AIFM3: variants seen among roughly 807,000 people sequenced by gnomAD.
AIFM3 encodes the protein apoptosis-inducing factor 3.
A neutral mutation model predicts 82.7 loss-of-function variants in AIFM3; 71 were observed. The observed-to-expected ratio is 0.86, with a 90% CI of 0.71 to 1.05. The LOEUF (loss-of-function observed/expected upper bound fraction) is 1.05, where lower values mean the gene tolerates loss of function less well. Ranked by LOEUF, AIFM3 falls within the 50% of genes least tolerant of loss-of-function variation. The probability of loss-of-function intolerance (pLI) is 0.00; values close to 1 mark genes in which losing one functional copy is unlikely to be tolerated. For missense variants in AIFM3, 748 were observed against 816.7 expected, an observed-to-expected ratio of 0.92 and a Z score of 1.03; for synonymous variants, 337 against 329.1, an observed-to-expected ratio of 1.02 and a Z score of -0.26.
At chr22:20,977,483 G>T (rs999863829) in intron 14 of AIFM3, 22 of 624,734 alleles carry the variant, frequency 3.5e-5, no homozygotes, top group Non-Finnish European at 5.7e-5. Context: ...GGGCCTCATG[G>T]AGCACTTCTT....
At chr22:20,978,570 C>T (rs1046401294) in intron 16 of AIFM3, among the ~76,000 whole-genome samples, 10 of 151,954 alleles carry the variant, frequency 6.6e-5, no homozygotes, top group Admixed American at 5.9e-4. Flanking sequence ...CATTAGTTGC[C>T]TCACTGCCTC....
At chr22:20,970,086 G>C (rs577445355) in intron 2 of AIFM3, among the ~76,000 whole-genome samples, 64 of 152,260 alleles carry the variant, frequency 4.2e-4, no homozygotes, top group African/African-American at 1.5e-3. Context: ...AGCTCTCTTA[G>C]CATCTGTTCA....
At chr22:20,973,269 G>A (rs955223700) in intron 2 of AIFM3, 38 bp from the exon 3 acceptor site, 27 of 1,549,244 alleles carry the variant, frequency 1.7e-5, no homozygotes, top group Non-Finnish European at 2.4e-5. Context: ...GAGGAAGTTG[G>A]CTGAGGTGGG....
chr22:20,967,120 A>G (rs1601697254), upstream of AIFM3: 3 of 152,274 alleles, frequency 2.0e-5, no homozygotes, highest in South Asian at 4.1e-4. Context: ...TTCCCTGGGG[A>G]CCAGTGGACT....
Position 20,974,786 on chromosome 22 carries a change from C to T in AIFM3, c.690C>T (p.His230=). ...TCGTCCTGTGCACGCTAGACCGGCACCTTCCCTACGACCGTCCCAAGCTCA... is the reference window on the plus strand; with the variant it reads ...TCGTCCTGTGCACGCTAGACCGGCATCTTCCCTACGACCGTCCCAAGCTCA... ...DRIVLCTLDR[H]LPYDRPKLSK... The change falls in exon 8 of 21, where the codon CAC becomes CAT. Residue 230 remains histidine, a synonymous_variant. Coordinates refer to ENST00000440238, the MANE Select transcript of AIFM3 (RefSeq NM_001386814.1). 1.2e-6 allele frequency: 2 copies of T among 1,613,066 alleles called. No homozygotes were observed. The highest frequency in any genetic ancestry group is 2.2e-5 in the South Asian group (2 of 91,042).
chr22:20,967,597 A>G (rs571628646), intron 1 of AIFM3: 1 of 355,716 alleles, frequency 2.8e-6, no homozygotes, highest in South Asian at 5.2e-5. Context: ...CGGGCAGAGG[A>G]ACTCCACTGG....
chr22:20,976,664 C>T lies in AIFM3; in HGVS notation c.1044C>T (p.Ala348=), dbSNP rs748191991. Residue 348 remains alanine, a synonymous_variant, in exon 12 of 21, where the codon GCC becomes GCT. Transcript: ENST00000440238. ...GCCCATCACCAGGGATGGAGGTGGC[C>T]GCTTACCTGACGGAGAAGGCCCACT... ...VGAGFLGMEV[A]AYLTEKAHSV... The T allele has an allele frequency of 1.7e-5, 28 of 1,609,526 alleles. No individual in the cohort carries two copies. The highest frequency in any genetic ancestry group is 4.5e-5 in the East Asian group (2 of 44,594).
intron 3 of AIFM3, 37 bp from the exon 4 acceptor site, chr22:20,973,721 G>T (rs1923426167): frequency 1.3e-6 from 2 of 1,499,744 alleles, no homozygotes; most frequent in African/African-American, 1.4e-5. Context: ...GTTGTGCCTG[G>T]TGTCTGGCCT....
chr22:20,972,184 C>T (rs1398158331), intron 2 of AIFM3, among the ~76,000 whole-genome samples: 1 of 152,222 alleles, frequency 6.6e-6, no homozygotes, highest in East Asian at 1.9e-4. Context: ...GCGGGTGGAT[C>T]ACCTGAGGTC....
chr22:20,965,802 T>G (rs1011878105), upstream of AIFM3, among the ~76,000 whole-genome samples: 6 of 151,820 alleles, frequency 4.0e-5, no homozygotes, highest in Non-Finnish European at 7.4e-5. Flanking sequence ...GAGGGTCAGG[T>G]GGAGCAGGGG....
intron 16 of AIFM3, 134 bp downstream of exon 16, chr22:20,978,139 G>A: frequency 2.3e-6 from 2 of 853,508 alleles, no homozygotes; most frequent in Non-Finnish European, 3.7e-6. Flanking sequence ...TGGATTCTCT[G>A]GCCAGCCTCA....
chr22:20,973,394 A>T lies in AIFM3; in HGVS notation c.119A>T (p.Tyr40Phe). 1 of 1,611,636 alleles carries T rather than the reference A, an allele frequency of 6.2e-7. No homozygotes were observed. The highest frequency in any genetic ancestry group is 8.5e-7 in the Non-Finnish European group (1 of 1,179,640). Residue 40 changes from tyrosine to phenylalanine, a missense_variant, in exon 3 of 21, where the codon TAC becomes TTC. Coordinates refer to ENST00000440238, the MANE Select transcript of AIFM3 (RefSeq NM_001386814.1). ...AGTGGGAAGGGCAGCCCCCGGGCCT[A>T]CCAGGGCAATGGCACGGCCCGCCAC... Reference protein sequence around the residue: ...SASGKGSPRAYQGNGTARHFH... With the variant: ...SASGKGSPRAFQGNGTARHFH...
At chr22:20,970,596 G>C (rs117744886) in intron 2 of AIFM3, among the ~76,000 whole-genome samples, 3,006 of 152,332 alleles carry the variant, frequency 0.02, 51 homozygotes, top group Middle Eastern at 0.044. Flanking sequence ...AAGTAGCTGG[G>C]ATTATAAGCG....
chr22:20,979,366 G>A lies in AIFM3; in HGVS notation c.1573G>A (p.Ala525Thr), dbSNP rs993896789. ...TAMFGKSLRY[A>T]GYGEGFDDVI... ...CATGTTTGGCAAGAGCCTGCGCTACGCGGGTAACCCCGGGGCCTCGGATGG... is the reference window on the plus strand; with the variant it reads ...CATGTTTGGCAAGAGCCTGCGCTACACGGGTAACCCCGGGGCCTCGGATGG... Residue 525 changes from alanine (A) to threonine (T), a missense_variant, in exon 17 of 21, where the codon GCG (alanine) becomes ACG (threonine). Ala to Thr is a moderately conservative substitution (Grantham distance 58, BLOSUM62 0). Coordinates refer to ENST00000440238, the MANE Select transcript of AIFM3 (RefSeq NM_001386814.1). 1 of 1,553,076 alleles carries A rather than the reference G, an allele frequency of 6.4e-7. No individual in the cohort carries two copies. Among genetic ancestry groups the A allele is most frequent in the Non-Finnish European group, 8.7e-7 (1 of 1,148,318 alleles).
intron 14 of AIFM3, 32 bp from the exon 15 acceptor site, chr22:20,977,668 A>G (rs757185864): frequency 4.3e-6 from 7 of 1,613,340 alleles, no homozygotes; most frequent in Non-Finnish European, 5.9e-6. Flanking sequence ...AGGCAGGGAC[A>G]GGGGAGTGGA....
intron 13 of AIFM3, 43 bp downstream of exon 13, chr22:20,976,981 C>T: frequency 6.2e-7 from 1 of 1,614,160 alleles, no homozygotes; most frequent in Non-Finnish European, 8.5e-7. Context: ...TGTCCTCTGT[C>T]CCCTGAGCCT....
chr22:20,979,799 C>T lies in AIFM3; in HGVS notation c.1652+97C>T. Reference sequence around the variant, plus strand: ...AAAATCCCAGAACAAGAGCCCAGCCCTGAGCCCCGCTGAGGAGTGCTGGAG... The same window carrying T: ...AAAATCCCAGAACAAGAGCCCAGCCTTGAGCCCCGCTGAGGAGTGCTGGAG... On this transcript the variant is annotated intron_variant, in intron 18 of 20. Coordinates refer to ENST00000440238, the MANE Select transcript of AIFM3 (RefSeq NM_001386814.1). 2.1e-6 allele frequency: 3 copies of T among 1,454,668 alleles called. No individual in the cohort carries two copies. In the Admixed American group the frequency reaches 5.2e-5, roughly 25 times the overall value. 90.1% of individuals were successfully genotyped at this position (1,454,668 alleles called of 1,614,324 possible).
At chr22:20,965,953 C>T (rs1394042423), upstream of AIFM3, among the ~76,000 whole-genome samples, 1 of 152,182 alleles carries the variant, frequency 6.6e-6, no homozygotes, top group African/African-American at 2.4e-5. Flanking sequence ...CAAGGAATAG[C>T]ACTCGGGCGC....
Position 20,981,148 on chromosome 22 carries a change from C to A in AIFM3, c.*117C>A. 7.0e-7 allele frequency: 1 copy of A among 1,430,936 alleles called. No individual in the cohort carries two copies. Among genetic ancestry groups the A allele is most frequent in the Non-Finnish European group, 9.6e-7 (1 of 1,044,258 alleles). The allele number at this position is 1,430,936 out of a possible 1,614,324, so 88.6% of individuals were successfully genotyped here. A position where few individuals can be genotyped will look rare whatever the true frequency, so the allele number is the denominator to read the frequency against. On this transcript the variant is annotated 3_prime_UTR_variant, in exon 21 of 21. Coordinates refer to ENST00000440238, the MANE Select transcript of AIFM3 (RefSeq NM_001386814.1). ...CCCCAGGGCAGAACCTGAGCCCTCC[C>A]AGTGCTTGCCTTCAGCCACCTGGCT...
Sources: gnomAD v4.1 joint callset for allele counts (sites outside exome capture counted in the v4.1 genomes callset) on GRCh38, gnomAD v4.1.1 for gene constraint, MANE v1.5 for transcripts, NCBI Gene and HGNC (gene_info 2026-07-23, HGNC 2026-07-21) for gene names.